RABGAP1L: variants seen among roughly 807,000 people sequenced by gnomAD.
RABGAP1L encodes the protein RAB GTPase activating protein 1 like.
RABGAP1L carries 63 observed loss-of-function variants against 137.7 expected under a neutral mutation model. That is an observed-to-expected ratio of 0.46 (90% CI 0.37 to 0.56). The LOEUF is 0.56. RABGAP1L is among the 20% of genes least tolerant of loss of function. RABGAP1L has a pLI of 0.00. For missense variants in RABGAP1L, 1,095 were observed against 1,244.0 expected, an observed-to-expected ratio of 0.88 and a Z score of 1.80; for synonymous variants, 431 against 433.7, an observed-to-expected ratio of 0.99 and a Z score of 0.08.
At chr1:174,763,239 C>T (rs1456279841) in intron 18 of RABGAP1L, among the ~76,000 whole-genome samples, 1 of 151,994 alleles carries the variant, frequency 6.6e-6, no homozygotes, top group Non-Finnish European at 1.5e-5. Flanking sequence ...CAATTAGTGG[C>T]TGGGTGTGGT....
intron 15 of RABGAP1L, among the ~76,000 whole-genome samples, chr1:174,687,096 G>A (rs1166910103): frequency 6.6e-6 from 1 of 151,978 alleles, no homozygotes; most frequent in Non-Finnish European, 1.5e-5. Flanking sequence ...CAGAAGTTTG[G>A]GTCAATTATA....
chr1:174,855,027 C>T (rs1649063434), intron 19 of RABGAP1L, among the ~76,000 whole-genome samples: 1 of 151,882 alleles, frequency 6.6e-6, no homozygotes, highest in African/African-American at 2.4e-5. Context: ...AGTGAGCCAC[C>T]ACACCCAGCC....
chr1:174,397,979 AG>A (rs1648082292), intron 13 of RABGAP1L, among the ~76,000 whole-genome samples: 1 of 152,312 alleles, frequency 6.6e-6, no homozygotes, highest in South Asian at 2.1e-4. Flanking sequence ...TTGTTTTTTT[AG>A]TAGCAAAAAG....
At chr1:174,565,582 C>A (rs1416723198) in intron 13 of RABGAP1L, among the ~76,000 whole-genome samples, 15 of 152,066 alleles carry the variant, frequency 9.9e-5, no homozygotes, top group Admixed American at 9.8e-4. Context: ...TAATATTAAG[C>A]TGATTGTCAT....
At chr1:174,371,213 TTAAAAA>T (rs1462019507) in intron 12 of RABGAP1L, 141 bp downstream of exon 12, 5 of 365,424 alleles carry the variant, frequency 1.4e-5, no homozygotes, top group Non-Finnish European at 1.9e-5. Flanking sequence ...GTTTAAAAAC[TTAAAAA>T]TTAAAATATA....
chr1:174,844,159 T>C (rs1300621551), intron 19 of RABGAP1L, among the ~76,000 whole-genome samples: 6 of 144,580 alleles, frequency 4.1e-5, no homozygotes, highest in African/African-American at 1.5e-4. Flanking sequence ...GAAAATTTTC[T>C]CCCATGTTGT....
intron 19 of RABGAP1L, among the ~76,000 whole-genome samples, chr1:174,941,555 C>T (rs1027253632): frequency 2.0e-5 from 3 of 152,254 alleles, no homozygotes; most frequent in South Asian, 2.1e-4. Flanking sequence ...GAGCACTGTT[C>T]GGGCCTGTTG....
intron 14 of RABGAP1L, 44 bp from the exon 15 acceptor site, chr1:174,683,478 C>A (rs149286034): frequency 1.4e-6 from 2 of 1,476,768 alleles, no homozygotes; most frequent in Non-Finnish European, 1.9e-6. Context: ...AAGTTAAAAT[C>A]TGTGACTATT....
chr1:174,168,354 T>TTA (rs1464733713), intron 1 of RABGAP1L, among the ~76,000 whole-genome samples: 1 of 151,074 alleles, frequency 6.6e-6, no homozygotes, highest in African/African-American at 2.4e-5. Context: ...TGAAGGGAGG[T>TTA]TATATATATA....
chr1:174,188,462 T>G (rs1467085930), intron 1 of RABGAP1L, among the ~76,000 whole-genome samples: 3 of 152,186 alleles, frequency 2.0e-5, no homozygotes, highest in Non-Finnish European at 2.9e-5. Context: ...GAGATACATA[T>G]AAATAATGTG....
chr1:174,774,156 A>T (rs181976645), intron 18 of RABGAP1L, among the ~76,000 whole-genome samples: 1 of 152,370 alleles, frequency 6.6e-6, no homozygotes, highest in East Asian at 1.9e-4. Flanking sequence ...CTTTTGCTAG[A>T]AATGTAATAA....
intron 20 of RABGAP1L, chr1:174,965,056 C>T: frequency 4.2e-6 from 5 of 1,186,150 alleles, no homozygotes; most frequent in Middle Eastern, 1.9e-4. Flanking sequence ...GCAGTATCCT[C>T]CTCCCAAAAG....
chr1:174,894,259 A>G (rs754630011), intron 19 of RABGAP1L, among the ~76,000 whole-genome samples: 3 of 152,230 alleles, frequency 2.0e-5, no homozygotes, highest in African/African-American at 7.2e-5. Flanking sequence ...TAAAAGAATC[A>G]TTTTTATTGC....
chr1:174,480,693 A>T (rs1036992548), intron 13 of RABGAP1L, among the ~76,000 whole-genome samples: 3 of 152,240 alleles, frequency 2.0e-5, no homozygotes, highest in African/African-American at 7.2e-5. Context: ...AGTTAGTGCT[A>T]TGTGAGAAGG....
At chr1:174,864,588 C>G (rs1314243298) in intron 19 of RABGAP1L, among the ~76,000 whole-genome samples, 1 of 152,188 alleles carries the variant, frequency 6.6e-6, no homozygotes, top group Non-Finnish European at 1.5e-5. Flanking sequence ...AATTCACTCA[C>G]TATCACAAGA....
At chr1:174,371,272 G>A (rs1166967562) in intron 12 of RABGAP1L, among the ~76,000 whole-genome samples, 200 bp downstream of exon 12, 2 of 151,918 alleles carry the variant, frequency 1.3e-5, no homozygotes, top group African/African-American at 4.8e-5. Flanking sequence ...TTCCCCCCAA[G>A]TATGGTTTTA....
At chr1:174,171,031 C>G (rs1224848533) in intron 1 of RABGAP1L, among the ~76,000 whole-genome samples, 1 of 152,066 alleles carries the variant, frequency 6.6e-6, no homozygotes, top group Non-Finnish European at 1.5e-5. Context: ...TTCAAGGGAT[C>G]TGTGAGTGAA....
At chr1:174,342,130 A>T (rs1682026033) in intron 11 of RABGAP1L, among the ~76,000 whole-genome samples, 1 of 152,208 alleles carries the variant, frequency 6.6e-6, no homozygotes, top group Non-Finnish European at 1.5e-5. Context: ...TTTATTCATT[A>T]TGGCTACAGT....
At chr1:174,231,837 G>A (rs1490132132) in intron 4 of RABGAP1L, among the ~76,000 whole-genome samples, 2 of 152,208 alleles carry the variant, frequency 1.3e-5, no homozygotes, top group African/African-American at 4.8e-5. Flanking sequence ...CAGCACCGAG[G>A]GGATGGTGCT....
Sources: gnomAD v4.1 joint callset for allele counts (sites outside exome capture counted in the v4.1 genomes callset) on GRCh38, gnomAD v4.1.1 for gene constraint, MANE v1.5 for transcripts, NCBI Gene and HGNC (gene_info 2026-07-23, HGNC 2026-07-21) for gene names.